ZXDC: variants seen among roughly 807,000 people sequenced by gnomAD.
ZXDC encodes the protein zinc finger protein ZXDC.
In ZXDC, 58 loss-of-function variants were observed where a neutral mutation model predicts 63.6. The ratio of observed to expected loss-of-function variants is 0.91; its 90% CI spans 0.74 to 1.13. The LOEUF (loss-of-function observed/expected upper bound fraction) is 1.13, where lower values mean the gene tolerates loss of function less well. ZXDC is among the 50% of genes most tolerant of loss of function. ZXDC has a pLI of 0.00. For missense variants in ZXDC, 1,133 were observed against 1,148.9 expected, an observed-to-expected ratio of 0.99 and a Z score of 0.20; for synonymous variants, 561 against 496.1, an observed-to-expected ratio of 1.13 and a Z score of -1.74.
At chr3:126,441,233 CTGGGCCTGCCCTGGAGGGGCT>C in intron 8 of ZXDC, 1 of 985,902 alleles carries the variant, frequency 1.0e-6, no homozygotes, top group Non-Finnish European at 1.2e-6. Context: ...TGGGAGGGGC[CTGGGCCTGCCCTGGAGGGGCT>C]CTGTTTCGTA....
chr3:126,454,408 C>A (rs571003874), intron 7 of ZXDC: 1 of 985,348 alleles, frequency 1.0e-6, no homozygotes, highest in Non-Finnish European at 1.2e-6. Flanking sequence ...GAGGAAAAAT[C>A]TTCTTTGTCC....
At chr3:126,452,097 C>A (rs539994579) in intron 7 of ZXDC, 13 of 985,408 alleles carry the variant, frequency 1.3e-5, no homozygotes, top group Non-Finnish European at 1.2e-5. Flanking sequence ...CTTTTCCACA[C>A]GCAAAGATGA....
chr3:126,474,516 G>A (rs1012050622), intron 1 of ZXDC, among the ~76,000 whole-genome samples: 1 of 152,182 alleles, frequency 6.6e-6, no homozygotes, highest in African/African-American at 2.4e-5. Context: ...AAAAAGCCAG[G>A]ATGTGCGCAC....
chr3:126,441,262 G>A lies in ZXDC; in HGVS notation c.2394+503C>T, dbSNP rs999735428. On this transcript the variant is annotated intron_variant, in intron 8 of 9. Transcript: ENST00000389709. ...GCCTGCCCTGGAGGGGCTCTGTTTC[G>A]TAGGAAAGAAAATAGAAAAACACTG... The A allele has an allele frequency of 2.1e-5, 21 of 986,448 alleles. No individual in the cohort carries two copies. The East Asian group carries it at 6.8e-4, about 32-fold the overall frequency. The allele number at this position is 986,448 out of a possible 1,614,324, so 61.1% of individuals were successfully genotyped here. A position where few individuals can be genotyped will look rare whatever the true frequency, so the allele number is the denominator to read the frequency against.
chr3:126,452,297 A>G (rs1289715530), intron 7 of ZXDC: 3 of 985,306 alleles, frequency 3.0e-6, no homozygotes, highest in Non-Finnish European at 3.6e-6. Flanking sequence ...TTGTCCTGGA[A>G]CCTGCTTGGA....
rs1935196635 is a variant in ZXDC at position 126,475,700 on chromosome 3, C to G, written c.166G>C (p.Gly56Arg). ...PEDGGPGARPGEASGPSPPPA... is the reference protein window; with the variant it reads ...PEDGGPGARPREASGPSPPPA... Reference sequence around the variant, plus strand: ...GGCGGGCTTGGCCCGGAGGCCTCCCCGGGCCGCGCCCCGGGCCCGCCATCT... The same window carrying G: ...GGCGGGCTTGGCCCGGAGGCCTCCCGGGGCCGCGCCCCGGGCCCGCCATCT... The change falls in exon 1 of 10, where the codon GGG becomes CGG. Residue 56 changes from glycine (G) to arginine (R), a missense_variant. Transcript: ENST00000389709. The G allele has an allele frequency of 2.3e-6, 3 of 1,295,572 alleles. No individual in the cohort carries two copies. The highest frequency in any genetic ancestry group is 3.4e-5 in the East Asian group (1 of 29,316). 80.3% of individuals were successfully genotyped at this position (1,295,572 alleles called of 1,614,324 possible).
intron 4 of ZXDC, among the ~76,000 whole-genome samples, chr3:126,466,638 A>C (rs1465084407): frequency 6.6e-6 from 1 of 152,260 alleles, no homozygotes; most frequent in Non-Finnish European, 1.5e-5. Flanking sequence ...AGTCAAATTA[A>C]GTATTAACTG....
chr3:126,455,382 C>T (rs1216322993), intron 7 of ZXDC, among the ~76,000 whole-genome samples: 6 of 152,134 alleles, frequency 3.9e-5, no homozygotes, highest in Non-Finnish European at 8.8e-5. Context: ...TAGCACTGAC[C>T]ACTGAAACCC....
At chr3:126,474,884 T>A in intron 1 of ZXDC, 75 bp downstream of exon 1, 1 of 1,471,020 alleles carries the variant, frequency 6.8e-7, no homozygotes, top group Non-Finnish European at 9.1e-7. Context: ...GGCAGGCCCC[T>A]CTGTGGGGCG....
chr3:126,446,135 C>T (rs112017388), intron 7 of ZXDC, among the ~76,000 whole-genome samples: 4,999 of 152,234 alleles, frequency 0.033, 278 homozygotes, highest in African/African-American at 0.11. Context: ...GGTAACAACA[C>T]CGAACTACAT....
chr3:126,474,241 G>A (rs1935093502), intron 1 of ZXDC, among the ~76,000 whole-genome samples: 1 of 151,834 alleles, frequency 6.6e-6, no homozygotes, highest in Admixed American at 6.6e-5. Context: ...ATTTTTTGTA[G>A]TTTTAATAGA....
intron 4 of ZXDC, among the ~76,000 whole-genome samples, chr3:126,469,871 A>G (rs1045168375): frequency 6.6e-6 from 1 of 152,222 alleles, no homozygotes. Flanking sequence ...CCACTTGTAT[A>G]TATGTTCATT....
chr3:126,461,583 G>T lies in ZXDC; in HGVS notation c.2079C>A (p.His693Gln). The T allele has an allele frequency of 6.2e-7, 1 of 1,614,170 alleles. No individual in the cohort carries two copies. The highest frequency in any genetic ancestry group is 1.7e-5 in the Admixed American group (1 of 60,022). The change falls in exon 6 of 10, where the codon CAC (histidine) becomes CAA (glutamine). Residue 693 changes from histidine (H) to glutamine (Q), a missense_variant. Transcript: ENST00000389709. ...QSTLPSPAEQHGAQDTELSAG... is the reference protein window; with the variant it reads ...QSTLPSPAEQQGAQDTELSAG... ...CACTGAGCTCTGTGTCCTGGGCACC[G>T]TGCTGCTCTGCTGGACTGGGCAACG...
intron 7 of ZXDC, among the ~76,000 whole-genome samples, chr3:126,455,681 AT>A (rs1320067452): frequency 2.6e-5 from 4 of 152,204 alleles, no homozygotes; most frequent in Admixed American, 2.6e-4. Flanking sequence ...TCATAATCCA[AT>A]ACTGACTACA....
chr3:126,442,644 A>C (rs1335154404), intron 7 of ZXDC: 1 of 152,088 alleles, frequency 6.6e-6, no homozygotes, highest in Non-Finnish European at 1.5e-5. Flanking sequence ...GTAAAATGGG[A>C]ATGCTAGTCC....
At chr3:126,460,868 C>A in intron 6 of ZXDC, 1 of 985,380 alleles carries the variant, frequency 1.0e-6, no homozygotes, top group Admixed American at 6.1e-5. Flanking sequence ...ATATAAATGT[C>A]ACCATCAAAT....
At chr3:126,462,443 CACT>C (rs1196531577) in intron 5 of ZXDC, among the ~76,000 whole-genome samples, 4 of 152,178 alleles carry the variant, frequency 2.6e-5, no homozygotes, top group Non-Finnish European at 4.4e-5. Flanking sequence ...TGAAATCAGA[CACT>C]TTACGTACGC....
intron 7 of ZXDC, chr3:126,455,027 C>A: frequency 1.0e-6 from 1 of 985,458 alleles, no homozygotes; most frequent in South Asian, 4.7e-5. Context: ...ACAGCGAAGT[C>A]TTGACTGTTT....
chr3:126,454,199 T>C, intron 7 of ZXDC: 1 of 982,888 alleles, frequency 1.0e-6, no homozygotes, highest in Non-Finnish European at 1.2e-6. Context: ...TAAATATCTT[T>C]CATATGCTTA....
Sources: gnomAD v4.1 joint callset for allele counts (sites outside exome capture counted in the v4.1 genomes callset) on GRCh38, gnomAD v4.1.1 for gene constraint, MANE v1.5 for transcripts, NCBI Gene and HGNC (gene_info 2026-07-23, HGNC 2026-07-21) for gene names.